DCT: variants seen among roughly 807,000 people sequenced by gnomAD.
The protein encoded by DCT is L-dopachrome tautomerase.
A neutral mutation model predicts 53.0 loss-of-function variants in DCT; 47 were observed. The ratio of observed to expected loss-of-function variants is 0.89; its 90% CI spans 0.70 to 1.13. DCT has a LOEUF of 1.13. Ranked by LOEUF, DCT falls within the 50% of genes most tolerant of loss-of-function variation. The pLI is 0.00. For synonymous variants in DCT, 244 were observed against 237.0 expected (o/e 1.03, Z -0.27); for missense variants, 669 against 637.4 (o/e 1.05, Z -0.53).
intron 6 of DCT, 37 bp downstream of exon 6, chr13:94,460,054 T>G (rs1177515719): frequency 5.6e-6 from 9 of 1,599,962 alleles, no homozygotes; most frequent in Non-Finnish European, 7.7e-6. Flanking sequence ...ACATATTATC[T>G]AGAAAATTTT....
In DCT at chr13:94,444,265, T is replaced by A. The variant is rs1334651268; in HGVS notation, c.1180-628A>T. ...GCAAGTATTCCGAAATCTGAAAAAA[T>A]TCAAAATCCCAAACACTTCTGGTCC... On this transcript the variant is annotated intron_variant, in intron 6 of 7. Coordinates refer to ENST00000377028, the MANE Select transcript of DCT (RefSeq NM_001922.5). 4 of 297,420 alleles carry A rather than the reference T, an allele frequency of 1.3e-5. No individual in the cohort carries two copies. The East Asian group carries it at 3.3e-4, about 24-fold the overall frequency. The allele number at this position is 297,420 out of a possible 1,614,324, so 18.4% of individuals were successfully genotyped here. A position where few individuals can be genotyped will look rare whatever the true frequency, so the allele number is the denominator to read the frequency against.
At chr13:94,457,268 G>A (rs778089193) in intron 6 of DCT, among the ~76,000 whole-genome samples, 31 of 152,210 alleles carry the variant, frequency 2.0e-4, no homozygotes, top group Non-Finnish European at 3.8e-4. Flanking sequence ...ACTATACTTG[G>A]AGATAGAGCC....
the DCT span, among the ~76,000 whole-genome samples, chr13:94,488,019 C>T: frequency 2.0e-5 from 3 of 151,748 alleles, no homozygotes; most frequent in African/African-American, 4.8e-5. Context: ...TGTTTATACA[C>T]CAAACACTTT....
the DCT span, among the ~76,000 whole-genome samples, chr13:94,496,383 A>G: frequency 6.6e-6 from 1 of 152,002 alleles, no homozygotes; most frequent in African/African-American, 2.4e-5. Flanking sequence ...TAGTAAAGAC[A>G]GGATTTCACC....
the DCT span, among the ~76,000 whole-genome samples, chr13:94,489,785 T>C: frequency 2.7e-5 from 4 of 145,554 alleles, no homozygotes; most frequent in Admixed American, 2.1e-4. Context: ...CACACACACA[T>C]ATACACATGT....
At chr13:94,442,341 C>G (rs968299439) in intron 7 of DCT, among the ~76,000 whole-genome samples, 2 of 152,130 alleles carry the variant, frequency 1.3e-5, no homozygotes, top group African/African-American at 2.4e-5. Context: ...GGGTCTCACT[C>G]TGTTGCCCAG....
At chr13:94,444,020 G>C (rs1209566382) in intron 6 of DCT, among the ~76,000 whole-genome samples, 1 of 152,140 alleles carries the variant, frequency 6.6e-6, no homozygotes, top group Non-Finnish European at 1.5e-5. Context: ...TCAGAAAAAG[G>C]CAAGTATGAT....
chr13:94,488,867 C>CACACAT, the DCT span, among the ~76,000 whole-genome samples: 3 of 74,684 alleles, frequency 4.0e-5, no homozygotes, highest in Non-Finnish European at 1.0e-4. Context: ...CATACATACA[C>CACACAT]ACACATACAC....
chr13:94,460,120 G>A lies in DCT; in HGVS notation c.1150C>T (p.His384Tyr), dbSNP rs1883683976. The change falls in exon 6 of 8, where the codon CAT (histidine) becomes TAT (tyrosine). Residue 384 changes from histidine to tyrosine, a missense_variant. Physicochemically the swap from His to Tyr is moderately conservative, Grantham distance 83. Coordinates refer to ENST00000377028, the MANE Select transcript of DCT (RefSeq NM_001922.5). Reference sequence around the variant, plus strand: ...AAAATGGGATCATTGGCGGCTGAATGTGGCAAAGCGTTTGTCCCGTTCAGG... The same window carrying A: ...AAAATGGGATCATTGGCGGCTGAATATGGCAAAGCGTTTGTCCCGTTCAGG... ...SFLNGTNALP[H>Y]SAANDPIFVV... is the part of the protein sequence containing the mutation. 4 of 1,614,076 alleles carry A rather than the reference G, an allele frequency of 2.5e-6. No individual in the cohort carries two copies. In the African/African-American group the frequency reaches 5.3e-5, roughly 22 times the overall value.
chr13:94,548,258 A>C, the DCT span, among the ~76,000 whole-genome samples: 1 of 152,010 alleles, frequency 6.6e-6, no homozygotes, highest in African/African-American at 2.4e-5. Flanking sequence ...GTACTTCATA[A>C]GGTTGTTATG....
At chr13:94,457,467 G>T (rs1263640266) in intron 6 of DCT, among the ~76,000 whole-genome samples, 2 of 152,146 alleles carry the variant, frequency 1.3e-5, no homozygotes, top group Non-Finnish European at 2.9e-5. Context: ...AGACCTCCTG[G>T]CCTCTAGAAC....
the DCT span, among the ~76,000 whole-genome samples, chr13:94,532,609 G>A: frequency 6.6e-6 from 1 of 152,090 alleles, no homozygotes; most frequent in African/African-American, 2.4e-5. Context: ...ACACAGGGCA[G>A]GGAACATCAC....
At position 94,460,196 on chromosome 13, in the gene DCT, A is replaced by G. The variant is rs1368366529; in HGVS notation, c.1074T>C (p.Asp358=). 1.9e-6 allele frequency: 3 copies of G among 1,613,948 alleles called. No homozygotes were observed. The highest frequency in any genetic ancestry group is 2.5e-6 in the Non-Finnish European group (3 of 1,179,798). ...RNALEGFDKA[D]GTLDSQVMSL... is the part of the protein sequence containing the mutation. ...TCATCACTTGAGAATCCAGAGTCCCATCTGCTTTATCAAACCCTTCCAAAG... is the reference window on the plus strand; with the variant it reads ...TCATCACTTGAGAATCCAGAGTCCCGTCTGCTTTATCAAACCCTTCCAAAG... Residue 358 remains aspartate (D), a synonymous_variant, in exon 6 of 8, where the codon GAT becomes GAC. Transcript: ENST00000377028.
chr13:94,456,893 G>A, intron 6 of DCT, among the ~76,000 whole-genome samples: 1 of 152,240 alleles, frequency 6.6e-6, no homozygotes, highest in East Asian at 1.9e-4. Context: ...ACTTTGAGAG[G>A]CCGAGGCCCG....
the DCT span, among the ~76,000 whole-genome samples, chr13:94,500,011 T>C: frequency 6.6e-6 from 1 of 152,332 alleles, no homozygotes; most frequent in South Asian, 2.1e-4. Context: ...CTTTTTTGTG[T>C]GTGAGAGAAC....
chr13:94,511,362 C>T, the DCT span, among the ~76,000 whole-genome samples: 957 of 83,530 alleles, frequency 0.011, 15 homozygotes, highest in African/African-American at 0.04. Context: ...CTCTCTCTCT[C>T]TTTTTTTTTT....
At chr13:94,462,235 C>T (rs1883859737) in intron 4 of DCT, 46 bp from the exon 5 acceptor site, 1 of 1,444,612 alleles carries the variant, frequency 6.9e-7, no homozygotes, top group Non-Finnish European at 9.7e-7. Context: ...TGGCTGGGCA[C>T]AGTGGCTCAC....
At chr13:94,483,656 C>T (rs1885539894), upstream of DCT, among the ~76,000 whole-genome samples, 1 of 152,098 alleles carries the variant, frequency 6.6e-6, no homozygotes, top group Admixed American at 6.5e-5. Flanking sequence ...CACCCACCAC[C>T]ACATCTGGCT....
At chr13:94,476,089 C>T (rs1348089268) in intron 1 of DCT, among the ~76,000 whole-genome samples, 1 of 150,682 alleles carries the variant, frequency 6.6e-6, no homozygotes, top group African/African-American at 2.4e-5. Context: ...TTTGGACTGG[C>T]TTATGTACAT....
Sources: allele counts gnomAD v4.1 joint callset (sites outside exome capture counted in the v4.1 genomes callset), GRCh38; gene constraint gnomAD v4.1.1; transcripts MANE v1.5; gene names NCBI Gene and HGNC (gene_info 2026-07-23, HGNC 2026-07-21).